KCNN2: variants seen among roughly 807,000 people sequenced by gnomAD.
The protein encoded by KCNN2 is potassium calcium-activated channel subfamily N member 2, also known as small conductance calcium-activated potassium channel protein 2.
A neutral mutation model predicts 55.5 loss-of-function variants in KCNN2; 24 were observed. That is an observed-to-expected ratio of 0.43 (90% CI 0.31 to 0.61). KCNN2 has a LOEUF of 0.61. KCNN2 is among the 20% of genes least tolerant of loss of function. The pLI is 0.08. For missense variants in KCNN2, 754 were observed against 853.6 expected (o/e 0.88, Z 1.45); for synonymous variants, 431 against 336.1 (o/e 1.28, Z -3.09).
intron 1 of KCNN2, among the ~76,000 whole-genome samples, chr5:114,168,306 T>C (rs1752961833): frequency 6.6e-6 from 1 of 152,000 alleles, no homozygotes; most frequent in Admixed American, 6.6e-5. Context: ...AATACCATGT[T>C]TTACTTTAAT....
rs144239154 is a variant in KCNN2, at chr5:114,330,882, A to G, written c.-184-30063A>G. Among the ~76,000 whole-genome samples, 7 of 152,330 alleles carry G rather than the reference A, an allele frequency of 4.6e-5. No individual in the cohort carries two copies. In the East Asian group the frequency reaches 5.8e-4, roughly 13 times the overall value. On this transcript the variant is annotated intron_variant, in intron 2 of 10. Coordinates refer to the KCNN2 transcript ENST00000512097. ...ATGACCTTGACTTACTCAATTCTAT[A>G]TCTCAACTGAATGCAAAAAAAATTA...
At chr5:114,182,305 C>G (rs1753255890) in intron 1 of KCNN2, among the ~76,000 whole-genome samples, 1 of 151,766 alleles carries the variant, frequency 6.6e-6, no homozygotes, top group Admixed American at 6.6e-5. Flanking sequence ...TTATAGTAAG[C>G]CTGAAAATTA....
rs1757447170 is a variant in KCNN2, at chr5:114,362,218, T to G, written c.79T>G (p.Cys27Gly). 1 of 163,650 alleles carries G rather than the reference T, an allele frequency of 6.1e-6. No individual in the cohort carries two copies. Among genetic ancestry groups the G allele is most frequent in the Non-Finnish European group, 1.3e-5 (1 of 75,930 alleles). The allele number at this position is 163,650 out of a possible 1,614,324, so 10.1% of individuals were successfully genotyped here. A position where few individuals can be genotyped will look rare whatever the true frequency, so the allele number is the denominator to read the frequency against. The change falls in exon 1 of 8, where the codon TGC becomes GGC. Residue 27 changes from cysteine (C) to glycine (G), a missense_variant. Physicochemically the swap from Cys to Gly is radical, Grantham distance 159 (BLOSUM62 -3). Around this residue, in one of 4 missense-constraint regions of KCNN2, gnomAD observed 381 missense variants for 259.1 expected, o/e 1.47. Transcript: ENST00000673685. ...GCCGCCGCGCTCCTCACACCTGCATTGCCAGCAGCAGCAACAGAGCCAGGA... is the reference window on the plus strand; with the variant it reads ...GCCGCCGCGCTCCTCACACCTGCATGGCCAGCAGCAGCAACAGAGCCAGGA... ...PPPPRSSHLH[C>G]QQQQQSQDKP...
intron 1 of KCNN2, among the ~76,000 whole-genome samples, chr5:114,134,562 G>C (rs780199530): frequency 1.3e-5 from 2 of 150,946 alleles, no homozygotes; most frequent in East Asian, 3.9e-4. Context: ...TGCAACCTCC[G>C]CCCTCCGAGT....
intron 2 of KCNN2, among the ~76,000 whole-genome samples, chr5:114,352,415 C>T (rs1757222625): frequency 6.7e-6 from 1 of 148,288 alleles, no homozygotes; most frequent in Admixed American, 6.7e-5. Flanking sequence ...TTTTTTATTG[C>T]CATTGTTAAC....
rs186617073 is a variant in KCNN2 at position 114,161,966 on chromosome 5, A to G, written c.-270-59514A>G. Among the ~76,000 whole-genome samples, 5 of 152,172 alleles carry G rather than the reference A, an allele frequency of 3.3e-5. 1 individual carries two copies. The highest frequency in any genetic ancestry group is 3.3e-4 in the Admixed American group (5 of 15,284). On this transcript the variant is annotated intron_variant, in intron 1 of 10. Coordinates refer to the KCNN2 transcript ENST00000512097. ...GTTCAAGCTTCCTCCTTTAGCTTGG[A>G]GTAGTTTGATCTTCTGAAGCCTTCT...
rs544629930 is a variant in KCNN2, at chr5:114,141,225, C to T, written c.-270-80255C>T. On this transcript the variant is annotated intron_variant, in intron 1 of 10. Transcript: ENST00000512097. ...ATACATGTGCCATGTTGGTGTACTGCACCCATTAACTCATCATTTACATTA... is the reference window on the plus strand; with the variant it reads ...ATACATGTGCCATGTTGGTGTACTGTACCCATTAACTCATCATTTACATTA... Among the ~76,000 whole-genome samples, 48 of 152,174 alleles carry T rather than the reference C, an allele frequency of 3.2e-4. No homozygotes were observed. In the South Asian group the frequency reaches 1.0e-2, roughly 32 times the overall value.
At chr5:114,121,880 A>G (rs946783481) in intron 1 of KCNN2, among the ~76,000 whole-genome samples, 3 of 152,356 alleles carry the variant, frequency 2.0e-5, no homozygotes, top group South Asian at 4.1e-4. Flanking sequence ...TTCAACACTG[A>G]AAAAGATCAC....
intron 3 of KCNN2, among the ~76,000 whole-genome samples, chr5:114,447,563 T>C (rs545089984): frequency 6.6e-6 from 1 of 152,336 alleles, no homozygotes; most frequent in South Asian, 2.1e-4. Context: ...TTTTTGTAAT[T>C]CTGATCCTCG....
intron 1 of KCNN2, among the ~76,000 whole-genome samples, chr5:114,169,282 C>T (rs1325251966): frequency 1.3e-5 from 2 of 152,092 alleles, no homozygotes; most frequent in Non-Finnish European, 2.9e-5. Flanking sequence ...CAAATGGGAG[C>T]TTCTCATTGT....
At chr5:114,473,022 G>A (rs1167186766) in intron 4 of KCNN2, 32 bp from the exon 5 acceptor site, 1 of 1,350,300 alleles carries the variant, frequency 7.4e-7, no homozygotes, top group Non-Finnish European at 1.0e-6. Flanking sequence ...AGTTAGTAAT[G>A]CTTTGGGTTT....
At chr5:114,246,700 A>G (rs2112621810) in intron 2 of KCNN2, among the ~76,000 whole-genome samples, 1 of 152,252 alleles carries the variant, frequency 6.6e-6, no homozygotes, top group East Asian at 1.9e-4. Flanking sequence ...TTTAACTTTC[A>G]AATGAATAAC....
intron 1 of KCNN2, among the ~76,000 whole-genome samples, chr5:114,061,912 G>A (rs1337118058): frequency 6.6e-6 from 1 of 152,094 alleles, no homozygotes; most frequent in African/African-American, 2.4e-5. Flanking sequence ...TCAACTGGAT[G>A]TTTTTCTTGA....
intron 2 of KCNN2, among the ~76,000 whole-genome samples, chr5:114,252,947 C>A (rs1343966978): frequency 2.0e-5 from 3 of 152,136 alleles, no homozygotes; most frequent in Non-Finnish European, 4.4e-5. Context: ...TTTGCTGTCA[C>A]ACCCATCTCT....
intron 3 of KCNN2, among the ~76,000 whole-genome samples, chr5:114,432,283 A>G (rs1759821262): frequency 6.6e-6 from 1 of 152,186 alleles, no homozygotes; most frequent in African/African-American, 2.4e-5. Context: ...AAGGATTGTT[A>G]TGTCTCCTTG....
chr5:114,070,571 C>T (rs951993956), intron 1 of KCNN2, among the ~76,000 whole-genome samples: 1 of 152,174 alleles, frequency 6.6e-6, no homozygotes, highest in Non-Finnish European at 1.5e-5. Context: ...CCTCACAGAG[C>T]GGGAGCTGGT....
intron 1 of KCNN2, among the ~76,000 whole-genome samples, chr5:114,155,499 C>G (rs909266702): frequency 2.0e-5 from 3 of 152,126 alleles, no homozygotes. Flanking sequence ...TTTACACTCC[C>G]TTCAACAGTG....
chr5:114,084,839 A>T (rs1461072901), intron 1 of KCNN2, among the ~76,000 whole-genome samples: 1 of 151,902 alleles, frequency 6.6e-6, no homozygotes, highest in East Asian at 1.9e-4. Context: ...GTTAATTTTT[A>T]TGAAAGGTAC....
intron 1 of KCNN2, among the ~76,000 whole-genome samples, chr5:114,056,780 C>A (rs1288653991): frequency 1.3e-5 from 2 of 152,174 alleles, no homozygotes; most frequent in African/African-American, 2.4e-5. Flanking sequence ...ATCCTTCCCC[C>A]CTTGTCCTCT....
Sources: gnomAD v4.1 joint callset for allele counts (sites outside exome capture counted in the v4.1 genomes callset) on GRCh38, gnomAD v4.1.1 for gene constraint, gnomAD v4.1.1 regional missense constraint, MANE v1.5 for transcripts, NCBI Gene and HGNC (gene_info 2026-07-23, HGNC 2026-07-21) for gene names.